XPO5: variants seen among roughly 807,000 people sequenced by gnomAD.
The protein encoded by XPO5 is exportin 5, also known as exportin-5.
Under a neutral mutation model 160.6 loss-of-function variants are expected in XPO5, and 46 were observed. The observed-to-expected ratio is 0.29, with a 90% CI of 0.23 to 0.37. The LOEUF (loss-of-function observed/expected upper bound fraction) is 0.37, where lower values mean the gene tolerates loss of function less well. XPO5 is among the 10% of genes least tolerant of loss of function. The pLI is 1.00. For missense variants in XPO5, 1,090 were observed against 1,463.9 expected, an observed-to-expected ratio of 0.74 and a Z score of 4.17; for synonymous variants, 537 against 519.3, an observed-to-expected ratio of 1.03 and a Z score of -0.46.
chr6:43,562,054 T>C, intron 9 of XPO5, 193 bp downstream of exon 9: 1 of 444,894 alleles, frequency 2.2e-6, no homozygotes, highest in Non-Finnish European at 4.0e-6. Context: ...TATTTTATTG[T>C]TAAAAGAAAT....
chr6:43,556,826 T>C (rs999417567), intron 12 of XPO5, among the ~76,000 whole-genome samples: 1 of 151,950 alleles, frequency 6.6e-6, no homozygotes, highest in African/African-American at 2.4e-5. Context: ...CAATGAAATA[T>C]TAGCAATAAA....
At chr6:43,525,279 C>A in intron 28 of XPO5, 65 bp from the exon 29 acceptor site, 1 of 1,428,274 alleles carries the variant, frequency 7.0e-7, no homozygotes. Context: ...ATGATTATTA[C>A]ACATCAGGAG....
intron 8 of XPO5, 163 bp from the exon 9 acceptor site, chr6:43,562,509 T>C (rs921586437): frequency 6.7e-6 from 4 of 596,096 alleles, no homozygotes; most frequent in South Asian, 4.1e-5. Flanking sequence ...TTTTAACTTA[T>C]TTGGTGGCAA....
In XPO5 at chr6:43,544,023, C is replaced by G. The variant is rs1794844453; in HGVS notation, c.2342+2548G>C. On this transcript the variant is annotated intron_variant, in intron 20 of 31. Coordinates refer to ENST00000265351, the MANE Select transcript of XPO5 (RefSeq NM_020750.3). ...AAAACTCTTAATAGCTCCAGCTACA[C>G]ACTATTCAAGCAATCTACTCTATCA... is the stretch of plus-strand genomic sequence containing the variant. 3 of 152,484 alleles carry G rather than the reference C, an allele frequency of 2.0e-5. 1 individual carries two copies. The South Asian group carries it at 6.2e-4, about 32-fold the overall frequency. The allele number at this position is 152,484 out of a possible 1,614,324, so 9.4% of individuals were successfully genotyped here.
At chr6:43,524,739 A>C (rs1355324022) in intron 30 of XPO5, 92 bp downstream of exon 30, 1 of 1,586,136 alleles carries the variant, frequency 6.3e-7, no homozygotes, top group African/African-American at 1.3e-5. Flanking sequence ...GCAATTTGGC[A>C]GGTGCCTGAA....
chr6:43,574,470 C>T (rs1357276224), intron 1 of XPO5, among the ~76,000 whole-genome samples: 1 of 150,604 alleles, frequency 6.6e-6, no homozygotes, highest in African/African-American at 2.4e-5. Context: ...GTGGTGTTCA[C>T]TCTATTTTAT....
At chr6:43,531,719 T>G (rs1039356134) in intron 21 of XPO5, 144 bp from the exon 22 acceptor site, 4 of 704,248 alleles carry the variant, frequency 5.7e-6, no homozygotes, top group Non-Finnish European at 1.0e-5. Context: ...GCTACGTGAT[T>G]TGCTGCACTC....
intron 2 of XPO5, 32 bp from the exon 3 acceptor site, chr6:43,572,610 C>G (rs1310240437): frequency 6.2e-7 from 1 of 1,604,196 alleles, no homozygotes; most frequent in Non-Finnish European, 8.5e-7. Context: ...GTCAATAGAA[C>G]CACTTTAGAA....
In XPO5 at chr6:43,529,148, C is replaced by G. The variant is rs186651686; in HGVS notation, c.2678-223G>C. On this transcript the variant is annotated intron_variant, in intron 23 of 31. Coordinates refer to ENST00000265351, the MANE Select transcript of XPO5 (RefSeq NM_020750.3). ...TTAGTTTAGCTGCATTTCCGTCAGG[C>G]TGCACATTATGGTCACTGGCCCAAA... is the stretch of plus-strand genomic sequence containing the variant. 1.8e-4 allele frequency: 239 copies of G among 1,330,620 alleles called. No individual in the cohort carries two copies. In the East Asian group the frequency reaches 5.9e-3, roughly 33 times the overall value. 82.4% of individuals were successfully genotyped at this position (1,330,620 alleles called of 1,614,324 possible).
At chr6:43,531,644 A>G in intron 21 of XPO5, 69 bp from the exon 22 acceptor site, 1 of 1,347,934 alleles carries the variant, frequency 7.4e-7, no homozygotes. Context: ...AACACTCTAC[A>G]GCAGGAAGCT....
At chr6:43,542,116 C>T (rs988747587) in intron 20 of XPO5, among the ~76,000 whole-genome samples, 4 of 152,010 alleles carry the variant, frequency 2.6e-5, no homozygotes, top group African/African-American at 9.7e-5. Context: ...TTTATACTTA[C>T]AGTTCATCTC....
At chr6:43,567,136 C>T (rs1285693773) in intron 7 of XPO5, 33 bp downstream of exon 7, 1 of 1,584,100 alleles carries the variant, frequency 6.3e-7, no homozygotes, top group Non-Finnish European at 8.6e-7. Context: ...ACTTCAGAGA[C>T]TGAGGATAAG....
intron 14 of XPO5, among the ~76,000 whole-genome samples, chr6:43,552,829 C>T (rs1188819781): frequency 6.6e-5 from 10 of 152,208 alleles, no homozygotes; most frequent in African/African-American, 1.4e-4. Context: ...ATACTGGTGG[C>T]GTACAGTATT....
chr6:43,569,766 G>C (rs1281861684), intron 5 of XPO5, among the ~76,000 whole-genome samples: 1 of 150,798 alleles, frequency 6.6e-6, no homozygotes, highest in African/African-American at 2.4e-5. Flanking sequence ...TTTTCCTAAA[G>C]AACTTCTGAA....
chr6:43,566,133 C>T (rs1403679619), intron 7 of XPO5, among the ~76,000 whole-genome samples: 3 of 152,124 alleles, frequency 2.0e-5, no homozygotes, highest in Non-Finnish European at 2.9e-5. Context: ...TGGCTCACAC[C>T]TGTAATCCTA....
At chr6:43,529,083 A>G (rs1157174455) in intron 23 of XPO5, among the ~76,000 whole-genome samples, 158 bp from the exon 24 acceptor site, 1 of 152,240 alleles carries the variant, frequency 6.6e-6, no homozygotes, top group African/African-American at 2.4e-5. Flanking sequence ...TTCTTTTCCT[A>G]AAATCCTAAA....
intron 5 of XPO5, 65 bp downstream of exon 5, chr6:43,570,437 T>C: frequency 4.1e-6 from 6 of 1,480,350 alleles, no homozygotes; most frequent in Non-Finnish European, 5.5e-6. Flanking sequence ...AGTTCCTTAC[T>C]GTAAGATTAA....
intron 21 of XPO5, among the ~76,000 whole-genome samples, chr6:43,532,148 G>C (rs1794030075): frequency 6.6e-6 from 1 of 152,156 alleles, no homozygotes; most frequent in South Asian, 2.1e-4. Flanking sequence ...GCATGGGGGT[G>C]TGTGGTAAGC....
intron 20 of XPO5, among the ~76,000 whole-genome samples, chr6:43,544,516 G>A (rs1258511499): frequency 6.6e-6 from 1 of 152,156 alleles, no homozygotes; most frequent in East Asian, 1.9e-4. Context: ...CGTCTGGGTT[G>A]GCCACATAGA....
Sources: gnomAD v4.1 joint callset for allele counts (sites outside exome capture counted in the v4.1 genomes callset) on GRCh38, gnomAD v4.1.1 for gene constraint, MANE v1.5 for transcripts, NCBI Gene and HGNC (gene_info 2026-07-23, HGNC 2026-07-21) for gene names.